The following SBSPON variants were observed in gnomAD, a reference collection of about 807,000 sequenced individuals.
SBSPON encodes somatomedin B and thrombospondin type 1 domain containing, also known as somatomedin-B and thrombospondin type-1 domain-containing protein.
Under a neutral mutation model 35.8 loss-of-function variants are expected in SBSPON, and 30 were observed. That is an observed-to-expected ratio of 0.84 (90% confidence interval 0.63 to 1.14). The LOEUF is 1.14. SBSPON is among the 50% of genes most tolerant of loss of function. SBSPON has a pLI of 0.00. For synonymous variants in SBSPON, 136 were observed against 135.9 expected, an observed-to-expected ratio of 1.00 and a Z score of 0.00; for missense variants, 364 against 357.7, an observed-to-expected ratio of 1.02 and a Z score of -0.14.
rs970536867 is a variant in SBSPON, at chr8:73,065,032, C to G, written c.*2309G>C. On this transcript the variant is annotated 3_prime_UTR_variant, in exon 5 of 5. Transcript: ENST00000297354. ...AAATAAAAACTTTTGGTTTTTCATTCATCACTTGGACTACATGTTTCAGTT... is the reference window on the plus strand; with the variant it reads ...AAATAAAAACTTTTGGTTTTTCATTGATCACTTGGACTACATGTTTCAGTT... The G allele has an allele frequency of 6.6e-6, 1 of 152,100 alleles. No individual in the cohort carries two copies. The highest frequency in any genetic ancestry group is 1.5e-5 in the Non-Finnish European group (1 of 68,000). The allele number at this position is 152,100 out of a possible 1,614,324, so 9.4% of individuals were successfully genotyped here.
intron 1 of SBSPON, among the ~76,000 whole-genome samples, chr8:73,091,921 A>G (rs548896842): frequency 1.3e-5 from 2 of 152,266 alleles, no homozygotes; most frequent in African/African-American, 4.8e-5. Context: ...AGGCTCCCAC[A>G]TGTCGGGATC....
rs1306970950 is a variant in SBSPON, at chr8:73,067,319, T to G, written c.*22A>C. Reference sequence around the variant, plus strand: ...ATATTTAGAATGTTTACAAATGCATTTGGAAATATTTATATCACCATCTAT... The same window carrying G: ...ATATTTAGAATGTTTACAAATGCATGTGGAAATATTTATATCACCATCTAT... On this transcript the variant is annotated 3_prime_UTR_variant, in exon 5 of 5. Transcript: ENST00000297354. The G allele has an allele frequency of 8.1e-7, 1 of 1,229,604 alleles. No individual in the cohort carries two copies. The highest frequency in any genetic ancestry group is 1.2e-6 in the Non-Finnish European group (1 of 830,720). 76.2% of individuals were successfully genotyped at this position (1,229,604 alleles called of 1,614,324 possible).
intron 1 of SBSPON, among the ~76,000 whole-genome samples, chr8:73,089,591 A>C (rs1810895276): frequency 6.6e-6 from 1 of 152,296 alleles, no homozygotes; most frequent in Non-Finnish European, 1.5e-5. Context: ...GGGAGGATTA[A>C]ATGAGACAAA....
intron 2 of SBSPON, among the ~76,000 whole-genome samples, chr8:73,074,065 A>G (rs1353915008): frequency 2.0e-5 from 3 of 152,194 alleles, no homozygotes; most frequent in African/African-American, 7.2e-5. Context: ...TAATTCTCCC[A>G]TACATTTTCA....
At chr8:73,085,356 T>G (rs1048369752) in intron 1 of SBSPON, 1 of 152,314 alleles carries the variant, frequency 6.6e-6, no homozygotes, top group Admixed American at 6.5e-5. Flanking sequence ...TTTACTTTTA[T>G]TATCTGTGGC....
At position 73,088,739 on chromosome 8, in the gene SBSPON, T is replaced by C. The variant is rs116032792; in HGVS notation, c.214+4115A>G. 4.6e-3 allele frequency among the ~76,000 whole-genome samples: 698 copies of C among 152,020 alleles called. 1 individual carries two copies. Among genetic ancestry groups the C allele is most frequent in the African/African-American group, 0.016 (664 of 41,450 alleles). ...CTAAGAGGCAGAATGGTTCTATGAGTATAGAGTAACTGGGGGTTCTAAGAT... is the reference window on the plus strand; with the variant it reads ...CTAAGAGGCAGAATGGTTCTATGAGCATAGAGTAACTGGGGGTTCTAAGAT... On this transcript the variant is annotated intron_variant, in intron 1 of 4. Coordinates refer to ENST00000297354, the MANE Select transcript of SBSPON (RefSeq NM_153225.4).
At chr8:73,080,790 A>T (rs1316849582) in intron 2 of SBSPON, among the ~76,000 whole-genome samples, 1 of 152,128 alleles carries the variant, frequency 6.6e-6, no homozygotes, top group African/African-American at 2.4e-5. Context: ...GGGCCATCGG[A>T]TTATAAAACA....
At chr8:73,092,821 G>T in intron 1 of SBSPON, 33 bp downstream of exon 1, 1 of 1,565,456 alleles carries the variant, frequency 6.4e-7, no homozygotes, top group Non-Finnish European at 8.8e-7. Context: ...GCAGGCTAAC[G>T]GCCGGCGCCC....
chr8:73,078,215 G>A (rs1254953588), intron 2 of SBSPON, among the ~76,000 whole-genome samples: 2 of 152,256 alleles, frequency 1.3e-5, no homozygotes, highest in East Asian at 3.9e-4. Flanking sequence ...TCCTGATGCT[G>A]CTGATCCAGG....
Position 73,082,016 on chromosome 8 carries a change from G to A in SBSPON, c.215-803C>T, listed in dbSNP as rs61013068. ...TCAGCTGGTTTCTCAGCAAACAGCCGTGCACTGGGCTGCTCCCTGGAGTCC... is the reference window on the plus strand; with the variant it reads ...TCAGCTGGTTTCTCAGCAAACAGCCATGCACTGGGCTGCTCCCTGGAGTCC... On this transcript the variant is annotated intron_variant, in intron 1 of 4. Coordinates refer to ENST00000297354, the MANE Select transcript of SBSPON (RefSeq NM_153225.4). 4.2e-3 allele frequency among the ~76,000 whole-genome samples: 645 copies of A among 152,292 alleles called. 12 individuals are homozygous for A. The East Asian group carries it at 0.046, about 11-fold the overall frequency.
At chr8:73,080,388 G>A (rs1055809681) in intron 2 of SBSPON, among the ~76,000 whole-genome samples, 14 of 152,060 alleles carry the variant, frequency 9.2e-5, no homozygotes, top group East Asian at 3.9e-4. Context: ...GGTGGCAGGC[G>A]CCTGTAGTCC....
intron 2 of SBSPON, among the ~76,000 whole-genome samples, chr8:73,078,690 G>A (rs532323942): frequency 6.6e-6 from 1 of 152,252 alleles, no homozygotes; most frequent in East Asian, 1.9e-4. Context: ...CTTCCTCCCC[G>A]AGCAGTTTGT....
At chr8:73,067,608 GT>G (rs756275378) in intron 4 of SBSPON, 150 bp from the exon 5 acceptor site, 43 of 17,986 alleles carry the variant, frequency 2.4e-3, no homozygotes, top group South Asian at 7.4e-3. Context: ...TATATATATA[GT>G]TTTTTTTTTT....
intron 3 of SBSPON, among the ~76,000 whole-genome samples, chr8:73,070,277 A>G (rs1252007647): frequency 2.0e-5 from 3 of 152,182 alleles, no homozygotes; most frequent in Non-Finnish European, 4.4e-5. Context: ...TAATCAGATC[A>G]CTAAATTGTG....
At chr8:73,069,549 C>G (rs2129986072) in intron 4 of SBSPON, among the ~76,000 whole-genome samples, 1 of 152,302 alleles carries the variant, frequency 6.6e-6, no homozygotes, top group South Asian at 2.1e-4. Context: ...GGATTACAGG[C>G]ATGAGCCACC....
rs754768053 is a variant in SBSPON, at chr8:73,081,138, C to A, written c.290G>T (p.Arg97Leu). Residue 97 changes from arginine to leucine, a missense_variant, in exon 2 of 5, where the codon CGG (arginine) becomes CTG (leucine). By Grantham distance (102) the Arg-to-Leu change is moderately radical. Transcript: ENST00000297354. The stretch of plus-strand genomic sequence containing the variant: ...AGGCTCCTGCTGCACCGAGCGCCTC[C>A]GCACACGGGTTGTAGGCTTGCACTG... Reference protein sequence around the residue: ...ADQCKPTTRVRRRSVQQEPQN... With the variant: ...ADQCKPTTRVLRRSVQQEPQN... The A allele has an allele frequency of 6.2e-7, 1 of 1,613,328 alleles. No individual in the cohort carries two copies. Among genetic ancestry groups the A allele is most frequent in the Non-Finnish European group, 8.5e-7 (1 of 1,179,680 alleles).
rs550228820 is a variant in SBSPON, at chr8:73,086,935, C to A, written c.215-5722G>T. Among the ~76,000 whole-genome samples, 19 of 152,234 alleles carry A rather than the reference C, an allele frequency of 1.2e-4. No homozygotes were observed. In the East Asian group the frequency reaches 2.9e-3, roughly 23 times the overall value. The stretch of plus-strand genomic sequence containing the variant: ...GGAAATGTGGCTCTACCCTGGATGG[C>A]GGTGCCGTCTGAAGCCATGGATAAC... On this transcript the variant is annotated intron_variant, in intron 1 of 4. Coordinates refer to ENST00000297354, the MANE Select transcript of SBSPON (RefSeq NM_153225.4).
intron 4 of SBSPON, among the ~76,000 whole-genome samples, chr8:73,068,715 G>A (rs564366337): frequency 1.3e-5 from 2 of 152,238 alleles, no homozygotes; most frequent in South Asian, 4.2e-4. Flanking sequence ...GTTTTATGAA[G>A]AAGCCCCATT....
intron 2 of SBSPON, 104 bp from the exon 3 acceptor site, chr8:73,071,974 C>CA (rs1810501901): frequency 1.4e-6 from 1 of 711,542 alleles, no homozygotes; most frequent in Non-Finnish European, 2.6e-6. Flanking sequence ...TTCCTAAACT[C>CA]ACAGGGCTAC....
Sources: gnomAD v4.1 joint callset for allele counts (sites outside exome capture counted in the v4.1 genomes callset) on GRCh38, gnomAD v4.1.1 for gene constraint, MANE v1.5 for transcripts, NCBI Gene and HGNC (gene_info 2026-07-23, HGNC 2026-07-21) for gene names.